Variants in SPTBN5 observed in about 807,000 individuals in gnomAD.
The protein encoded by SPTBN5 is spectrin beta chain, non-erythrocytic 5.
SPTBN5 carries 513 observed loss-of-function variants against 477.6 expected under a neutral mutation model. The observed-to-expected ratio is 1.07, with a 90% CI of 1.00 to 1.16. The LOEUF (loss-of-function observed/expected upper bound fraction) is 1.16. Ranked by LOEUF, SPTBN5 falls within the 50% of genes most tolerant of loss-of-function variation. The pLI, the probability that SPTBN5 is intolerant of heterozygous loss-of-function variation, is 0.00. For synonymous variants in SPTBN5, 2,169 were observed against 2,011.7 expected (o/e 1.08, Z -2.09); for missense variants, 5,062 against 4,731.8 (o/e 1.07, Z -2.05).
intron 32 of SPTBN5, among the ~76,000 whole-genome samples, chr15:41,869,257 T>C (rs533191428): frequency 6.6e-6 from 1 of 152,326 alleles, no homozygotes; most frequent in African/African-American, 2.4e-5. Flanking sequence ...TCAGCAGAGT[T>C]AGGTCCCTAA....
At position 41,849,963 on chromosome 15, in the gene SPTBN5, C is replaced by T. The variant is rs780273547; in HGVS notation, c.10922-4G>A. ...AGTTTTGGGCTCAGACTCTGGGCTG[C>T]AGAGCAAGGGAATAACCACTGTTAG... On this transcript the variant is annotated splice_region_variant and splice_polypyrimidine_tract_variant and intron_variant, in intron 66 of 67. Coordinates refer to ENST00000320955, the MANE Select transcript of SPTBN5 (RefSeq NM_016642.4). 25 of 1,583,708 alleles carry T rather than the reference C, an allele frequency of 1.6e-5. No individual in the cohort carries two copies. Among genetic ancestry groups the T allele is most frequent in the Non-Finnish European group, 2.1e-5 (24 of 1,164,488 alleles).
rs770644576 is a variant in SPTBN5 at position 41,868,126 on chromosome 15, C to T, written c.6150G>A (p.Gln2050=). The T allele has an allele frequency of 1.3e-6, 2 of 1,598,676 alleles. No individual in the cohort carries two copies. The highest frequency in any genetic ancestry group is 1.1e-5 in the South Asian group (1 of 88,252). The change falls in exon 34 of 68, where the codon CAG becomes CAA. Residue 2050 remains glutamine (Q), a synonymous_variant. Transcript: ENST00000320955. ...CGCACTCTCTGAGGAAGAGCTGCTC[C>T]TGCTGCTCGGCCTGCAGCCTCTCTT... The part of the protein sequence containing the change: ...RKQERLQAEQ[Q]EQLFLRECGR...
rs748151492 is a variant in SPTBN5 at position 41,878,645 on chromosome 15, C to G, written c.3183-16G>C. Reference sequence around the variant, plus strand: ...CTCCTCGACCCTGGGAGACAGGGTGCGCTGCACAGTCAGTGCCCTGTCCTG... The same window carrying G: ...CTCCTCGACCCTGGGAGACAGGGTGGGCTGCACAGTCAGTGCCCTGTCCTG... On this transcript the variant is annotated splice_polypyrimidine_tract_variant and intron_variant, in intron 16 of 67. Coordinates refer to ENST00000320955, the MANE Select transcript of SPTBN5 (RefSeq NM_016642.4). 6.2e-7 allele frequency: 1 copy of G among 1,603,204 alleles called. No homozygotes were observed. Among genetic ancestry groups the G allele is most frequent in the Admixed American group, 1.7e-5 (1 of 59,330 alleles).
At chr15:41,856,710 TC>T (rs1437651916) in intron 52 of SPTBN5, 112 bp from the exon 53 acceptor site, 1 of 1,333,002 alleles carries the variant, frequency 7.5e-7, no homozygotes. Context: ...GAGTTCCCTG[TC>T]CCCATGACTC....
chr15:41,848,288 C>A lies in SPTBN5; in HGVS notation c.*328G>T. ...GCACATTCTCTGCACACGTCTGCGT[C>A]TACCTGTGCTCAGAGTCACCCCTTC... On this transcript the variant is annotated 3_prime_UTR_variant, in exon 68 of 68. Transcript: ENST00000320955. The A allele has an allele frequency of 1.9e-6, 1 of 521,162 alleles. No homozygotes were observed. Among genetic ancestry groups the A allele is most frequent in the Non-Finnish European group, 3.5e-6 (1 of 287,698 alleles). The allele number at this position is 521,162 out of a possible 1,614,324, so 32.3% of individuals were successfully genotyped here.
chr15:41,874,550 C>G (rs1718429563), intron 23 of SPTBN5, 72 bp from the exon 24 acceptor site: 6 of 1,302,694 alleles, frequency 4.6e-6, no homozygotes, highest in South Asian at 1.5e-5. Flanking sequence ...CTTTCCTTGG[C>G]CAAGCCAGGG....
intron 31 of SPTBN5, 95 bp from the exon 32 acceptor site, chr15:41,870,115 C>T: frequency 6.9e-7 from 1 of 1,446,108 alleles, no homozygotes; most frequent in Non-Finnish European, 9.1e-7. Flanking sequence ...CCCCCTTGGG[C>T]CACGTCCTGC....
Position 41,852,636 on chromosome 15 carries a change from C to A in SPTBN5, c.10447G>T (p.Glu3483Ter). Residue 3483 changes from glutamate (E) to a stop codon, truncating the protein, a stop_gained and splice_region_variant, in exon 61 of 68, where the codon GAG becomes TAG. Coordinates refer to ENST00000320955, the MANE Select transcript of SPTBN5 (RefSeq NM_016642.4). LOFTEE classifies it high-confidence loss of function. ...CCCCTAGCCGAGGCAGTCGTCACCTCTGTCTTTTGCATTTGGGCAAACTTC... is the reference window on the plus strand; with the variant it reads ...CCCCTAGCCGAGGCAGTCGTCACCTATGTCTTTTGCATTTGGGCAAACTTC... ...EEKFAQMQKT[E>*]MEQELLLQPQ... 1.2e-6 allele frequency: 2 copies of A among 1,613,478 alleles called. No homozygotes were observed. Among genetic ancestry groups the A allele is most frequent in the Non-Finnish European group, 1.7e-6 (2 of 1,179,870 alleles).
chr15:41,848,703 C>G, intron 67 of SPTBN5, 75 bp from the exon 68 acceptor site: 1 of 1,527,294 alleles, frequency 6.5e-7, no homozygotes, highest in East Asian at 2.3e-5. Context: ...CACACTGGTG[C>G]CCCTGCCCTC....
intron 41 of SPTBN5, 122 bp from the exon 42 acceptor site, chr15:41,863,025 G>A (rs1037248314): frequency 9.7e-6 from 8 of 828,468 alleles, no homozygotes; most frequent in African/African-American, 3.4e-5. Flanking sequence ...TCCTGGCCCC[G>A]ACTTTGAGGG....
rs61729437 is a variant in SPTBN5, at chr15:41,886,245, G to C, written c.1010C>G (p.Ser337Trp). ...MQLEARDFPDSLPAMRQLLAA... is the reference protein window; with the variant it reads ...MQLEARDFPDWLPAMRQLLAA... ...CAGTAGCTGCCGCATGGCGGGCAGC[G>C]AGTCTGGAAAATCCCGCGCCTCCAG... The change falls in exon 7 of 68, where the codon TCG (serine) becomes TGG (tryptophan). Residue 337 changes from serine (S) to tryptophan (W), a missense_variant. Coordinates refer to ENST00000320955, the MANE Select transcript of SPTBN5 (RefSeq NM_016642.4). 7 of 1,613,038 alleles carry C rather than the reference G, an allele frequency of 4.3e-6. No individual in the cohort carries two copies. In the Admixed American group the frequency reaches 1.2e-4, roughly 27 times the overall value.
rs369109689 is a variant in SPTBN5 at position 41,857,377 on chromosome 15, T to C, written c.8482A>G (p.Thr2828Ala). 9.1e-5 allele frequency: 143 copies of C among 1,579,948 alleles called. 1 individual carries two copies. The African/African-American group carries it at 1.6e-3, about 18-fold the overall frequency. The change falls in exon 51 of 68, where the codon ACA becomes GCA. Residue 2828 changes from threonine (T) to alanine (A), a missense_variant. Thr to Ala is a moderately conservative substitution (Grantham distance 58). Transcript: ENST00000320955. ...ALPGVGELLGTQRELEAAVDK... is the reference protein window; with the variant it reads ...ALPGVGELLGAQRELEAAVDK... ...ACTGCTGCCTCCAGCTCCCTCTGTGTGCCCAGGAGCTCGCCCACCCCAGGC... is the reference window on the plus strand; with the variant it reads ...ACTGCTGCCTCCAGCTCCCTCTGTGCGCCCAGGAGCTCGCCCACCCCAGGC...
rs767857502 is a variant in SPTBN5 at position 41,886,229 on chromosome 15, C to T, written c.1026G>A (p.Arg342=). The T allele has an allele frequency of 1.2e-4, 188 of 1,613,156 alleles. No homozygotes were observed. The East Asian group carries it at 4.2e-3, about 36-fold the overall frequency. The change falls in exon 7 of 68, where the codon CGG becomes CGA. Residue 342 remains arginine (R), a synonymous_variant. Coordinates refer to ENST00000320955, the MANE Select transcript of SPTBN5 (RefSeq NM_016642.4). ...RDFPDSLPAM[R]QLLAAFTIFR... ...AGATGGTGAATGCTGCCAGTAGCTG[C>T]CGCATGGCGGGCAGCGAGTCTGGAA... is the stretch of plus-strand genomic sequence containing the variant.
chr15:41,866,821 C>T (rs2066334111), intron 36 of SPTBN5, 138 bp downstream of exon 36: 3 of 1,186,918 alleles, frequency 2.5e-6, no homozygotes, highest in Non-Finnish European at 3.4e-6. Context: ...ATCCCATGTT[C>T]TGGGCTCCAG....
intron 4 of SPTBN5, among the ~76,000 whole-genome samples, chr15:41,888,531 G>A (rs1464401998): frequency 1.3e-5 from 2 of 152,332 alleles, no homozygotes; most frequent in Non-Finnish European, 2.9e-5. Context: ...CACGATCTCG[G>A]CTCATTGCAA....
Position 41,879,518 on chromosome 15 carries a change from G to C in SPTBN5, c.2943-19C>G. The stretch of plus-strand genomic sequence containing the variant: ...CCCCCACCTGGGCAGAGGGTACAAG[G>C]TTGTCTCCACAACAGGGACACCTCC... On this transcript the variant is annotated intron_variant, in intron 15 of 67. Transcript: ENST00000320955. 6.5e-7 allele frequency: 1 copy of C among 1,540,986 alleles called. No homozygotes were observed. Among genetic ancestry groups the C allele is most frequent in the Non-Finnish European group, 8.7e-7 (1 of 1,145,214 alleles).
chr15:41,849,956 T>C lies in SPTBN5; in HGVS notation c.10925A>G (p.Gln3642Arg), dbSNP rs1197079499. The C allele has an allele frequency of 2.5e-6, 4 of 1,588,904 alleles. No homozygotes were observed. The highest frequency in any genetic ancestry group is 3.6e-5 in the Admixed American group (2 of 56,306). The change falls in exon 67 of 68, where the codon CAG (glutamine) becomes CGG (arginine). Residue 3642 changes from glutamine (Q) to arginine (R), a missense_variant. Physicochemically the swap from Gln to Arg is conservative, Grantham distance 43 (BLOSUM62 1). Transcript: ENST00000320955. ...WWRALGSTAAQSLSPKLKAKP... is the reference protein window; with the variant it reads ...WWRALGSTAARSLSPKLKAKP... Reference sequence around the variant, plus strand: ...GGCTTTGAGTTTTGGGCTCAGACTCTGGGCTGCAGAGCAAGGGAATAACCA... The same window carrying C: ...GGCTTTGAGTTTTGGGCTCAGACTCCGGGCTGCAGAGCAAGGGAATAACCA...
intron 15 of SPTBN5, 113 bp downstream of exon 15, chr15:41,879,621 G>T: frequency 6.4e-7 from 1 of 1,570,598 alleles, no homozygotes. Context: ...CCTTCCCTGT[G>T]CCTCGGACAC....
chr15:41,863,275 C>G (rs950336006), intron 41 of SPTBN5, among the ~76,000 whole-genome samples: 1 of 152,248 alleles, frequency 6.6e-6, no homozygotes, highest in Non-Finnish European at 1.5e-5. Context: ...GGCAGCAGCA[C>G]TTGTTTCACA....
Sources: allele counts gnomAD v4.1 joint callset (sites outside exome capture counted in the v4.1 genomes callset), GRCh38; gene constraint gnomAD v4.1.1; transcripts MANE v1.5; gene names NCBI Gene and HGNC (gene_info 2026-07-23, HGNC 2026-07-21).